DAPK1: variants seen among roughly 807,000 people sequenced by gnomAD.
DAPK1 encodes the protein death associated protein kinase 1, also known as death-associated protein kinase 1.
Under a neutral mutation model 144.9 loss-of-function variants are expected in DAPK1, and 56 were observed. The ratio of observed to expected loss-of-function variants is 0.39; its 90% CI spans 0.31 to 0.48. The LOEUF is 0.48. Ranked by LOEUF, DAPK1 falls within the 20% of genes least tolerant of loss-of-function variation. DAPK1 has a pLI of 0.95. For synonymous variants in DAPK1, 690 were observed against 749.0 expected (o/e 0.92, Z 1.29); for missense variants, 1,454 against 1,875.4 (o/e 0.78, Z 4.15).
intron 2 of DAPK1, among the ~76,000 whole-genome samples, chr9:87,507,884 T>C (rs1824669076): frequency 6.6e-6 from 1 of 152,224 alleles, no homozygotes; most frequent in Non-Finnish European, 1.5e-5. Flanking sequence ...AAATATGTGA[T>C]GAATGAGGCT....
intron 2 of DAPK1, among the ~76,000 whole-genome samples, chr9:87,576,259 A>G (rs1315725300): frequency 6.6e-6 from 1 of 152,260 alleles, no homozygotes; most frequent in Non-Finnish European, 1.5e-5. Context: ...AGGCAAGCTG[A>G]GCAGATGTTT....
intron 19 of DAPK1, among the ~76,000 whole-genome samples, chr9:87,676,423 G>A (rs1824384022): frequency 6.6e-6 from 1 of 152,250 alleles, no homozygotes; most frequent in Non-Finnish European, 1.5e-5. Context: ...CCATCTGGTA[G>A]TGAAACGTGA....
chr9:87,650,544 C>G (rs1262776361), intron 16 of DAPK1: 1 of 207,670 alleles, frequency 4.8e-6, no homozygotes, highest in Non-Finnish European at 9.8e-6. Context: ...GTCTGGCAAT[C>G]TCGATGCTAG....
At chr9:87,673,482 G>C (rs1587833438) in intron 19 of DAPK1, among the ~76,000 whole-genome samples, 2 of 152,226 alleles carry the variant, frequency 1.3e-5, no homozygotes, top group African/African-American at 4.8e-5. Context: ...CATCCTGTTT[G>C]CCCGCAGCAG....
chr9:87,618,753 G>A (rs1829187300), intron 3 of DAPK1, among the ~76,000 whole-genome samples: 1 of 152,190 alleles, frequency 6.6e-6, no homozygotes, highest in Non-Finnish European at 1.5e-5. Context: ...GGGCAGGTGG[G>A]AGTGTGGTGG....
chr9:87,561,629 G>A (rs796597058), intron 2 of DAPK1, among the ~76,000 whole-genome samples: 8 of 152,256 alleles, frequency 5.3e-5, no homozygotes, highest in African/African-American at 1.7e-4. Context: ...ACTTCCCATT[G>A]AATAAAGAAA....
chr9:87,570,283 A>G (rs1393596956), intron 2 of DAPK1, among the ~76,000 whole-genome samples: 1 of 152,202 alleles, frequency 6.6e-6, no homozygotes, highest in Non-Finnish European at 1.5e-5. Context: ...TCTCTGTCTA[A>G]TAGAAACTTC....
chr9:87,559,280 ATAGGCTAGGGTAGGCTAGGGTAGGC>A (rs1416739089), intron 2 of DAPK1, among the ~76,000 whole-genome samples: 4 of 151,190 alleles, frequency 2.6e-5, no homozygotes, highest in Admixed American at 6.6e-5. Flanking sequence ...TTATTACAGG[ATAGGCTAGGGTAGGCTAGGGTAGGC>A]TAGGCTAGGG....
At chr9:87,564,233 TG>T (rs1827034174) in intron 2 of DAPK1, among the ~76,000 whole-genome samples, 1 of 152,174 alleles carries the variant, frequency 6.6e-6, no homozygotes, top group Admixed American at 6.5e-5. Context: ...ACTCAGATCC[TG>T]GCACACAGTA....
At chr9:87,644,833 T>G (rs1189253850) in intron 11 of DAPK1, among the ~76,000 whole-genome samples, 1 of 152,202 alleles carries the variant, frequency 6.6e-6, no homozygotes, top group African/African-American at 2.4e-5. Flanking sequence ...ATTTCCATAT[T>G]CTAATCATGG....
chr9:87,623,946 A>G (rs1205834329), intron 3 of DAPK1, among the ~76,000 whole-genome samples: 1 of 152,190 alleles, frequency 6.6e-6, no homozygotes, highest in East Asian at 1.9e-4. Context: ...ATTGCCATTC[A>G]CTGAGCACTT....
rs138297098 is a variant in DAPK1 at position 87,539,872 on chromosome 9, G to A, written c.62+40733G>A. The stretch of plus-strand genomic sequence containing the variant: ...TGTTAGCCACTCAGGAGCCCTCTGC[G>A]TATCAATAATTGTCGTAGTCTAGTA... On this transcript the variant is annotated intron_variant, in intron 2 of 25. Coordinates refer to ENST00000408954, the MANE Select transcript of DAPK1 (RefSeq NM_004938.4). Among the ~76,000 whole-genome samples, 18 of 152,114 alleles carry A rather than the reference G, an allele frequency of 1.2e-4. No individual in the cohort carries two copies. In the East Asian group the frequency reaches 2.7e-3, roughly 23 times the overall value.
intron 19 of DAPK1, among the ~76,000 whole-genome samples, chr9:87,681,160 C>T (rs190422223): frequency 4.1e-4 from 62 of 152,164 alleles, no homozygotes; most frequent in African/African-American, 1.5e-3. Context: ...TGCCTGTAAT[C>T]CCAGCTACTC....
At chr9:87,599,063 C>G (rs1274801675) in intron 2 of DAPK1, among the ~76,000 whole-genome samples, 4 of 152,184 alleles carry the variant, frequency 2.6e-5, no homozygotes, top group African/African-American at 9.7e-5. Flanking sequence ...AAAACACTTT[C>G]CTAGAGTGAT....
chr9:87,641,495 C>T (rs1830092823), intron 9 of DAPK1, among the ~76,000 whole-genome samples: 1 of 152,048 alleles, frequency 6.6e-6, no homozygotes, highest in African/African-American at 2.4e-5. Context: ...CTGGGTTCTC[C>T]TAGCCAGCTA....
intron 2 of DAPK1, chr9:87,525,227 C>A: frequency 9.9e-7 from 1 of 1,014,704 alleles, no homozygotes; most frequent in Non-Finnish European, 1.5e-6. Context: ...TTCACCCTAC[C>A]CAATGCAGTG....
intron 2 of DAPK1, among the ~76,000 whole-genome samples, chr9:87,580,723 G>A (rs17401291): frequency 0.026 from 3,903 of 152,220 alleles, 75 homozygotes; most frequent in Non-Finnish European, 0.042. Context: ...AGCTCCCATC[G>A]CTTTGGCCTT....
rs138702693 is a variant in DAPK1 at position 87,585,262 on chromosome 9, G to T, written c.63-19692G>T. On this transcript the variant is annotated intron_variant, in intron 2 of 25. Coordinates refer to ENST00000408954, the MANE Select transcript of DAPK1 (RefSeq NM_004938.4). ...GTCATATCCAAAAAGTCATTTCCCA[G>T]ACCACAGAAATCTTGATGCTTGCCC... Among the ~76,000 whole-genome samples the T allele has an allele frequency of 2.1e-3, 326 of 152,218 alleles. 2 individuals carry two copies. The highest frequency in any genetic ancestry group is 3.6e-3 in the Non-Finnish European group (245 of 68,014).
chr9:87,530,206 C>G (rs953402765), intron 2 of DAPK1, among the ~76,000 whole-genome samples: 5 of 152,086 alleles, frequency 3.3e-5, no homozygotes, highest in African/African-American at 1.2e-4. Context: ...CACTATTTTC[C>G]AGAATGTGAG....
Sources: gnomAD v4.1 joint callset for allele counts (sites outside exome capture counted in the v4.1 genomes callset) on GRCh38, gnomAD v4.1.1 for gene constraint, MANE v1.5 for transcripts, NCBI Gene and HGNC (gene_info 2026-07-23, HGNC 2026-07-21) for gene names.